TRAPPC9: variants seen among roughly 807,000 people sequenced by gnomAD.
TRAPPC9 encodes the protein IKK2 binding protein.
Under a neutral mutation model 124.0 loss-of-function variants are expected in TRAPPC9, and 83 were observed. The observed-to-expected ratio is 0.67, with a 90% confidence interval of 0.56 to 0.80. The LOEUF (loss-of-function observed/expected upper bound fraction) is 0.80. Ranked by LOEUF, TRAPPC9 falls within the 30% of genes least tolerant of loss-of-function variation. The pLI, the probability that TRAPPC9 is intolerant of heterozygous loss-of-function variation, is 0.00. For synonymous variants in TRAPPC9, 638 were observed against 617.5 expected (o/e 1.03, Z -0.49); for missense variants, 1,302 against 1,508.3 (o/e 0.86, Z 2.27).
intron 21 of TRAPPC9, among the ~76,000 whole-genome samples, chr8:139,741,856 G>A (rs904213291): frequency 2.0e-5 from 3 of 152,162 alleles, no homozygotes; most frequent in African/African-American, 2.4e-5. Flanking sequence ...TCAGTGCTGC[G>A]TTCTTTCTCA....
intron 18 of TRAPPC9, among the ~76,000 whole-genome samples, chr8:140,020,264 G>C (rs1398404614): frequency 5.3e-5 from 8 of 151,962 alleles, no homozygotes; most frequent in Admixed American, 5.2e-4. Flanking sequence ...TATTTCTTCT[G>C]CTTACTCTAG....
chr8:140,169,535 T>C (rs1011495796), intron 17 of TRAPPC9, among the ~76,000 whole-genome samples: 4 of 151,964 alleles, frequency 2.6e-5, no homozygotes, highest in East Asian at 1.9e-4. Flanking sequence ...CGACAGATGA[T>C]TGGACAAACA....
chr8:140,317,561 G>C (rs2066472874), intron 9 of TRAPPC9, among the ~76,000 whole-genome samples: 1 of 152,204 alleles, frequency 6.6e-6, no homozygotes, highest in Non-Finnish European at 1.5e-5. Context: ...CATGGTCTCT[G>C]AAGGGCTTTA....
intron 20 of TRAPPC9, among the ~76,000 whole-genome samples, chr8:139,909,708 ACT>A (rs1831585548): frequency 6.6e-6 from 1 of 151,986 alleles, no homozygotes; most frequent in African/African-American, 2.4e-5. Context: ...CCTTCTGAAA[ACT>A]CTCTCCAACT....
intron 9 of TRAPPC9, among the ~76,000 whole-genome samples, chr8:140,322,658 A>G (rs889836966): frequency 6.6e-6 from 1 of 151,176 alleles, no homozygotes; most frequent in African/African-American, 2.4e-5. Context: ...CAAGACCCCC[A>G]TCTCTACAAA....
chr8:140,174,006 G>A (rs570206299), intron 17 of TRAPPC9, among the ~76,000 whole-genome samples: 2 of 152,304 alleles, frequency 1.3e-5, no homozygotes, highest in Admixed American at 1.3e-4. Context: ...CACACGGCAG[G>A]AGCCTGAGCC....
intron 17 of TRAPPC9, among the ~76,000 whole-genome samples, chr8:140,126,631 G>A (rs902959949): frequency 1.3e-5 from 2 of 152,246 alleles, no homozygotes; most frequent in South Asian, 2.1e-4. Context: ...TTGAATTACA[G>A]CACTGTGGAA....
chr8:139,864,973 C>T (rs773743339), intron 21 of TRAPPC9, among the ~76,000 whole-genome samples: 3 of 152,188 alleles, frequency 2.0e-5, no homozygotes, highest in South Asian at 2.1e-4. Context: ...CGGAAGCTCA[C>T]GTGAAACTTT....
intron 17 of TRAPPC9, among the ~76,000 whole-genome samples, chr8:140,178,987 GTCT>G (rs1326612830): frequency 6.6e-6 from 1 of 151,990 alleles, no homozygotes; most frequent in African/African-American, 2.4e-5. Context: ...GATATGTTAT[GTCT>G]TCTTATCTTG....
chr8:139,730,789 C>T lies in TRAPPC9; in HGVS notation c.*272G>A. On this transcript the variant is annotated 3_prime_UTR_variant, in exon 23 of 23. Transcript: ENST00000438773. ...GATCCTGGGACCTGGGCTGGATGGG[C>T]ACCCGCTTTGGGATTTCCTCTGCTT... 1 of 502,382 alleles carries T rather than the reference C, an allele frequency of 2.0e-6. No homozygotes were observed. The highest frequency in any genetic ancestry group is 3.6e-6 in the Non-Finnish European group (1 of 278,258). The allele number at this position is 502,382 out of a possible 1,614,324, so 31.1% of individuals were successfully genotyped here. A position where few individuals can be genotyped will look rare whatever the true frequency, so the allele number is the denominator to read the frequency against.
intron 21 of TRAPPC9, among the ~76,000 whole-genome samples, chr8:139,741,186 C>A (rs1201006126): frequency 6.6e-6 from 1 of 151,412 alleles, no homozygotes; most frequent in Non-Finnish European, 1.5e-5. Flanking sequence ...GTGTGAAGCT[C>A]CCCCCGGGCG....
intron 17 of TRAPPC9, among the ~76,000 whole-genome samples, chr8:140,188,592 C>G (rs951329503): frequency 6.6e-6 from 1 of 152,196 alleles, no homozygotes; most frequent in African/African-American, 2.4e-5. Context: ...ATCTCCCGAC[C>G]ACACTGGCCT....
At chr8:140,209,693 G>C (rs2063009790) in intron 17 of TRAPPC9, among the ~76,000 whole-genome samples, 1 of 152,156 alleles carries the variant, frequency 6.6e-6, no homozygotes, top group Non-Finnish European at 1.5e-5. Flanking sequence ...GCTAATAGCA[G>C]AAACTTAACT....
intron 19 of TRAPPC9, among the ~76,000 whole-genome samples, chr8:139,970,899 C>A (rs988505419): frequency 1.3e-5 from 2 of 152,118 alleles, no homozygotes; most frequent in Admixed American, 1.3e-4. Context: ...CCTCTGCCCC[C>A]TGTCGAACCC....
chr8:140,289,937 C>T (rs551527720), intron 12 of TRAPPC9, among the ~76,000 whole-genome samples: 81 of 152,310 alleles, frequency 5.3e-4, no homozygotes, highest in African/African-American at 1.7e-3. Context: ...AACTATGCCA[C>T]GTGCTAGAGG....
chr8:139,748,807 C>T (rs896624284), intron 21 of TRAPPC9, among the ~76,000 whole-genome samples: 4 of 152,056 alleles, frequency 2.6e-5, no homozygotes, highest in Non-Finnish European at 5.9e-5. Context: ...GGCAGGGGGC[C>T]GCCTCCACTA....
chr8:140,071,020 C>T (rs775548958), intron 17 of TRAPPC9, among the ~76,000 whole-genome samples: 2 of 152,220 alleles, frequency 1.3e-5, no homozygotes, highest in Non-Finnish European at 2.9e-5. Context: ...TTAGTGCGTG[C>T]GATCGTTCTA....
At chr8:139,902,804 A>G (rs983423982) in intron 20 of TRAPPC9, among the ~76,000 whole-genome samples, 1 of 152,288 alleles carries the variant, frequency 6.6e-6, no homozygotes, top group Admixed American at 6.5e-5. Context: ...CTCTGTCCTG[A>G]AAGGGAGGAT....
chr8:140,142,418 T>G (rs968113539), intron 17 of TRAPPC9, among the ~76,000 whole-genome samples: 1 of 152,356 alleles, frequency 6.6e-6, no homozygotes, highest in East Asian at 1.9e-4. Context: ...TAGGCTGGTG[T>G]GGGCCGGCAC....
Sources: allele counts gnomAD v4.1 joint callset (sites outside exome capture counted in the v4.1 genomes callset), GRCh38; gene constraint gnomAD v4.1.1; transcripts MANE v1.5; gene names NCBI Gene and HGNC (gene_info 2026-07-23, HGNC 2026-07-21).